Variants in PAK5 observed in about 807,000 individuals in gnomAD.
PAK5 encodes p21 (RAC1) activated kinase 5, also known as serine/threonine-protein kinase PAK 5.
Under a neutral mutation model 65.9 loss-of-function variants are expected in PAK5, and 16 were observed. The ratio of observed to expected loss-of-function variants is 0.24; its 90% CI spans 0.16 to 0.37. PAK5 has a LOEUF of 0.37. PAK5 is among the 10% of genes least tolerant of loss of function. PAK5 has a pLI of 1.00. For missense variants in PAK5, 785 were observed against 903.9 expected (o/e 0.87, Z 1.69); for synonymous variants, 371 against 354.9 (o/e 1.05, Z -0.51).
intron 1 of PAK5, among the ~76,000 whole-genome samples, chr20:9,757,990 G>C (rs1445019854): frequency 6.6e-6 from 1 of 152,166 alleles, no homozygotes; most frequent in African/African-American, 2.4e-5. Flanking sequence ...GATGTTTGTT[G>C]CTCTTGGTAT....
intron 1 of PAK5, among the ~76,000 whole-genome samples, chr20:9,826,583 A>G (rs1365973405): frequency 2.0e-5 from 3 of 152,204 alleles, no homozygotes; most frequent in Non-Finnish European, 4.4e-5. Context: ...AGAATCTTCT[A>G]TCTCCGAGAA....
chr20:9,542,539 A>G (rs2045281895), intron 9 of PAK5, 47 bp downstream of exon 9: 1 of 1,608,392 alleles, frequency 6.2e-7, no homozygotes, highest in Non-Finnish European at 8.5e-7. Context: ...AGATACAGGA[A>G]AATCCAAAAA....
At chr20:9,556,701 G>T (rs1007776994) in intron 7 of PAK5, among the ~76,000 whole-genome samples, 55 of 152,208 alleles carry the variant, frequency 3.6e-4, no homozygotes, top group African/African-American at 1.3e-3. Flanking sequence ...TGTGGCTGAT[G>T]AGTTTCAGCA....
At chr20:9,665,662 CTT>C (rs113553567) in intron 2 of PAK5, among the ~76,000 whole-genome samples, 9 of 144,066 alleles carry the variant, frequency 6.2e-5, no homozygotes, top group Non-Finnish European at 4.6e-5. Flanking sequence ...CTTTTCTTTT[CTT>C]TTTTTTTTTT....
intron 7 of PAK5, among the ~76,000 whole-genome samples, chr20:9,550,731 GGTGT>G (rs111410496): frequency 7.6e-4 from 113 of 148,086 alleles, no homozygotes; most frequent in Admixed American, 1.7e-3. Flanking sequence ...CCATAATTGT[GGTGT>G]GTGTGTGTGT....
At chr20:9,792,450 G>A (rs1237632380) in intron 1 of PAK5, among the ~76,000 whole-genome samples, 1 of 152,108 alleles carries the variant, frequency 6.6e-6, no homozygotes. Flanking sequence ...CAGAAGTGCT[G>A]TTTGCAGGAA....
intron 1 of PAK5, among the ~76,000 whole-genome samples, chr20:9,811,076 TCTGTG>T (rs2049292560): frequency 1.3e-5 from 2 of 152,210 alleles, no homozygotes. Context: ...TTTCATATAT[TCTGTG>T]CTGCCTAAGC....
chr20:9,640,189 A>C (rs902232217), intron 3 of PAK5, among the ~76,000 whole-genome samples: 13 of 145,198 alleles, frequency 9.0e-5, no homozygotes, highest in Admixed American at 2.7e-4. Flanking sequence ...TGTATCTCCT[A>C]ATGCTATCCC....
chr20:9,735,764 T>G (rs1160883813), intron 1 of PAK5, among the ~76,000 whole-genome samples: 1 of 152,038 alleles, frequency 6.6e-6, no homozygotes, highest in East Asian at 2.0e-4. Flanking sequence ...GGATCATGCC[T>G]GTAATCCCAG....
At chr20:9,700,960 C>T (rs570335351) in intron 2 of PAK5, among the ~76,000 whole-genome samples, 1 of 152,220 alleles carries the variant, frequency 6.6e-6, no homozygotes, top group East Asian at 1.9e-4. Context: ...TTTCAAGCTT[C>T]CTTTAAAAAA....
chr20:9,633,489 T>C (rs2046947868), intron 3 of PAK5, among the ~76,000 whole-genome samples: 1 of 152,158 alleles, frequency 6.6e-6, no homozygotes, highest in Non-Finnish European at 1.5e-5. Context: ...AAACTATTTG[T>C]TATTATAAGT....
At chr20:9,690,688 T>C (rs2047781506) in intron 2 of PAK5, among the ~76,000 whole-genome samples, 1 of 151,878 alleles carries the variant, frequency 6.6e-6, no homozygotes, top group Non-Finnish European at 1.5e-5. Context: ...CATCACTGGT[T>C]TGAGAGGTTT....
chr20:9,833,671 A>G (rs1382717774), intron 1 of PAK5, among the ~76,000 whole-genome samples: 1 of 152,254 alleles, frequency 6.6e-6, no homozygotes, highest in East Asian at 1.9e-4. Context: ...TTCCAGATGG[A>G]TGTTAGAATC....
chr20:9,770,104 T>C (rs780596009), intron 1 of PAK5, among the ~76,000 whole-genome samples: 34 of 151,948 alleles, frequency 2.2e-4, no homozygotes, highest in Non-Finnish European at 4.3e-4. Flanking sequence ...GGCCAACAGA[T>C]AATGCAGGAG....
At chr20:9,563,891 G>T (rs1440706954) in intron 5 of PAK5, among the ~76,000 whole-genome samples, 3 of 152,134 alleles carry the variant, frequency 2.0e-5, no homozygotes, top group Non-Finnish European at 4.4e-5. Flanking sequence ...GAGGCCACTG[G>T]GGGCTTCATA....
At chr20:9,690,442 G>T (rs1390330852) in intron 2 of PAK5, among the ~76,000 whole-genome samples, 1 of 152,084 alleles carries the variant, frequency 6.6e-6, no homozygotes, top group Non-Finnish European at 1.5e-5. Flanking sequence ...TAGTTTATCT[G>T]GGAATTAGTC....
At chr20:9,627,972 G>A (rs1245305011) in intron 3 of PAK5, among the ~76,000 whole-genome samples, 1 of 152,094 alleles carries the variant, frequency 6.6e-6, no homozygotes, top group Non-Finnish European at 1.5e-5. Flanking sequence ...CACTTGTACG[G>A]TTTAGAGAGT....
At chr20:9,614,030 C>G (rs147279272) in intron 3 of PAK5, among the ~76,000 whole-genome samples, 1 of 152,160 alleles carries the variant, frequency 6.6e-6, no homozygotes, top group Non-Finnish European at 1.5e-5. Context: ...AGCTATGGCA[C>G]GGATGTTGGA....
chr20:9,815,001 T>C (rs545737040), intron 1 of PAK5, among the ~76,000 whole-genome samples: 13 of 152,238 alleles, frequency 8.5e-5, no homozygotes, highest in Admixed American at 2.6e-4. Flanking sequence ...CTTCCACTTA[T>C]GGTGGAAGGC....
Sources: gnomAD v4.1 joint callset for allele counts (sites outside exome capture counted in the v4.1 genomes callset) on GRCh38, gnomAD v4.1.1 for gene constraint, MANE v1.5 for transcripts, NCBI Gene and HGNC (gene_info 2026-07-23, HGNC 2026-07-21) for gene names.